CSTL1: variants seen among roughly 807,000 people sequenced by gnomAD.
CSTL1 encodes the protein cystatin-like 1.
Under a neutral mutation model 14.4 loss-of-function variants are expected in CSTL1, and 14 were observed. That is an observed-to-expected ratio of 0.97 (90% CI 0.64 to 1.52). The LOEUF is 1.52. CSTL1 is among the 40% of genes most tolerant of loss of function. The probability of loss-of-function intolerance (pLI) is 0.00; values close to 1 mark genes in which losing one functional copy is unlikely to be tolerated. For missense variants in CSTL1, 170 were observed against 168.7 expected (o/e 1.01, Z -0.04); for synonymous variants, 72 against 67.5 (o/e 1.07, Z -0.33).
chr20:23,441,412 A>G (rs1732937330), intron 2 of CSTL1, among the ~76,000 whole-genome samples: 1 of 152,210 alleles, frequency 6.6e-6, no homozygotes, highest in Admixed American at 6.5e-5. Flanking sequence ...AACCCCTTTT[A>G]TTGGTACAAC....
chr20:23,449,285 T>A (rs148792845), downstream of CSTL1, among the ~76,000 whole-genome samples: 11 of 152,212 alleles, frequency 7.2e-5, no homozygotes, highest in African/African-American at 2.7e-4. Context: ...AGGCCAGAGG[T>A]ACTAGGGAAT....
At chr20:23,452,089 A>G in the CSTL1 span, among the ~76,000 whole-genome samples, 1 of 152,198 alleles carries the variant, frequency 6.6e-6, no homozygotes, top group East Asian at 1.9e-4. Context: ...TTGTCATTCC[A>G]AGAGAATTAA....
chr20:23,460,078 T>C, the CSTL1 span, among the ~76,000 whole-genome samples: 170 of 152,342 alleles, frequency 1.1e-3, no homozygotes, highest in Non-Finnish European at 2.0e-3. Flanking sequence ...GAGAATGCCT[T>C]TTCCACAAAC....
chr20:23,460,242 G>A, the CSTL1 span, among the ~76,000 whole-genome samples: 3 of 152,264 alleles, frequency 2.0e-5, no homozygotes, highest in East Asian at 3.9e-4. Flanking sequence ...CAGGAAGTCC[G>A]GCTCCCTCTC....
At chr20:23,445,536 G>A (rs1347491189), downstream of CSTL1, among the ~76,000 whole-genome samples, 1 of 152,150 alleles carries the variant, frequency 6.6e-6, no homozygotes, top group Non-Finnish European at 1.5e-5. Flanking sequence ...TGGGATTATA[G>A]GCGTGAGCTA....
At chr20:23,439,952 G>A (rs1245146210) in intron 1 of CSTL1, 146 bp downstream of exon 1, 1 of 399,952 alleles carries the variant, frequency 2.5e-6, no homozygotes, top group Non-Finnish European at 4.7e-6. Flanking sequence ...AGCACTGTAG[G>A]GGCTGTTCTG....
At chr20:23,444,287 C>G (rs899766483) in intron 3 of CSTL1, among the ~76,000 whole-genome samples, 2 of 152,346 alleles carry the variant, frequency 1.3e-5, no homozygotes, top group South Asian at 4.1e-4. Context: ...CTCCCCAGAC[C>G]CTCTGCGTGA....
At chr20:23,460,460 C>T in the CSTL1 span, among the ~76,000 whole-genome samples, 6,104 of 152,226 alleles carry the variant, frequency 0.04, 395 homozygotes, top group African/African-American at 0.14. Flanking sequence ...GTTTTACCCA[C>T]CCCATTTGTT....
At chr20:23,448,470 A>C (rs1987009856), downstream of CSTL1, among the ~76,000 whole-genome samples, 2 of 152,230 alleles carry the variant, frequency 1.3e-5, no homozygotes, top group South Asian at 4.1e-4. Context: ...AATGGCACAC[A>C]CACAGTACCA....
At chr20:23,443,191 G>A (rs751751045) in intron 2 of CSTL1, among the ~76,000 whole-genome samples, 9 of 152,220 alleles carry the variant, frequency 5.9e-5, no homozygotes, top group Non-Finnish European at 1.2e-4. Context: ...TCTGCAGGGG[G>A]TAAAGCCAGA....
intron 2 of CSTL1, among the ~76,000 whole-genome samples, chr20:23,443,663 G>A (rs1296476870): frequency 6.6e-6 from 1 of 152,230 alleles, no homozygotes; most frequent in Admixed American, 6.5e-5. Flanking sequence ...CCAGCTTGAT[G>A]TTGCCTCTTC....
At chr20:23,441,490 C>T (rs565814093) in intron 2 of CSTL1, among the ~76,000 whole-genome samples, 15 of 152,236 alleles carry the variant, frequency 9.9e-5, no homozygotes, top group African/African-American at 3.6e-4. Context: ...GTTCCAGGAC[C>T]CCTCAGGATG....
chr20:23,453,723 C>G, the CSTL1 span, among the ~76,000 whole-genome samples: 1 of 152,116 alleles, frequency 6.6e-6, no homozygotes, highest in African/African-American at 2.4e-5. Context: ...TGTGGGAACC[C>G]GGGGAGGAGC....
chr20:23,456,626 C>T, the CSTL1 span, among the ~76,000 whole-genome samples: 1 of 152,214 alleles, frequency 6.6e-6, no homozygotes, highest in African/African-American at 2.4e-5. Flanking sequence ...TGCTCATTTC[C>T]TGTGGCTGCT....
chr20:23,445,937 C>T (rs940379026), downstream of CSTL1, among the ~76,000 whole-genome samples: 3 of 152,080 alleles, frequency 2.0e-5, no homozygotes, highest in South Asian at 4.2e-4. Flanking sequence ...CTCTCGGTGC[C>T]GTCACACAGA....
Position 23,440,491 on chromosome 20 carries a change from G to T in CSTL1, c.219+5G>T, listed in dbSNP as rs763532914. 20 of 1,604,140 alleles carry T rather than the reference G, an allele frequency of 1.2e-5. No individual in the cohort carries two copies. The highest frequency in any genetic ancestry group is 1.6e-5 in the Non-Finnish European group (19 of 1,170,936). On this transcript the variant is annotated splice_donor_5th_base_variant and intron_variant, in intron 2 of 3. Coordinates refer to ENST00000347397, the MANE Select transcript of CSTL1 (RefSeq NM_138283.1). ...CTAATTCGAAGTCAGATGCAGGTTT[G>T]TACCTTGCTCTCCCAAGACATCAGC...
At chr20:23,453,428 T>C in the CSTL1 span, among the ~76,000 whole-genome samples, 1 of 151,960 alleles carries the variant, frequency 6.6e-6, no homozygotes, top group Non-Finnish European at 1.5e-5. Context: ...GACTTGCATG[T>C]TTTGGAGGAG....
chr20:23,455,119 G>C, the CSTL1 span, among the ~76,000 whole-genome samples: 1 of 152,220 alleles, frequency 6.6e-6, no homozygotes, highest in Non-Finnish European at 1.5e-5. Context: ...CTGAGGATGG[G>C]AGAGAAAAAG....
intron 2 of CSTL1, among the ~76,000 whole-genome samples, chr20:23,442,776 A>G (rs765684346): frequency 1.5e-4 from 23 of 152,262 alleles, no homozygotes; most frequent in Middle Eastern, 3.4e-3. Flanking sequence ...CCCAGAGATG[A>G]CCAAGCCCTC....
Sources: gnomAD v4.1 joint callset for allele counts (sites outside exome capture counted in the v4.1 genomes callset) on GRCh38, gnomAD v4.1.1 for gene constraint, MANE v1.5 for transcripts, NCBI Gene and HGNC (gene_info 2026-07-23, HGNC 2026-07-21) for gene names.